EXPH5: variants seen among roughly 807,000 people sequenced by gnomAD.
EXPH5 encodes the protein exophilin-5.
In EXPH5, 42 loss-of-function variants were observed where a neutral mutation model predicts 41.1. The ratio of observed to expected loss-of-function variants is 1.02; its 90% confidence interval spans 0.80 to 1.32. The LOEUF is 1.32. Among genes scored for constraint, EXPH5 ranks in the 40% most tolerant of loss-of-function variants. EXPH5 has a pLI of 0.00. For missense variants in EXPH5, 2,298 were observed against 2,314.5 expected, an observed-to-expected ratio of 0.99 and a Z score of 0.15; for synonymous variants, 798 against 833.5, an observed-to-expected ratio of 0.96 and a Z score of 0.73.
intron 4 of EXPH5, among the ~76,000 whole-genome samples, chr11:108,527,146 C>G (rs1024696244): frequency 2.0e-5 from 3 of 151,944 alleles, no homozygotes; most frequent in Admixed American, 6.6e-5. Flanking sequence ...ATGGTGAAAC[C>G]CTGTGTCTAC....
At chr11:108,538,266 A>T (rs2093892194) in intron 3 of EXPH5, 1 of 985,230 alleles carries the variant, frequency 1.0e-6, no homozygotes. Flanking sequence ...TGCCAAGCCA[A>T]CACCTTAAGA....
chr11:108,541,338 G>T (rs567703386), intron 2 of EXPH5, among the ~76,000 whole-genome samples: 3 of 152,168 alleles, frequency 2.0e-5, no homozygotes, highest in East Asian at 3.9e-4. Context: ...GGACAGACTC[G>T]CATGAATAGA....
upstream of EXPH5, among the ~76,000 whole-genome samples, chr11:108,594,681 C>A (rs2094136149): frequency 6.6e-6 from 1 of 152,164 alleles, no homozygotes; most frequent in African/African-American, 2.4e-5. Flanking sequence ...GACTTTCCTG[C>A]CCCATAGCCT....
the EXPH5 span, among the ~76,000 whole-genome samples, chr11:108,603,533 A>C: frequency 6.6e-6 from 1 of 152,158 alleles, no homozygotes; most frequent in South Asian, 2.1e-4. Context: ...TTTAAGAAAA[A>C]TCATATTTCA....
chr11:108,560,767 G>A (rs1041277851), intron 1 of EXPH5, among the ~76,000 whole-genome samples: 1 of 152,110 alleles, frequency 6.6e-6, no homozygotes, highest in Non-Finnish European at 1.5e-5. Flanking sequence ...ACAAACGCAA[G>A]TGTCTACTCC....
chr11:108,599,099 C>T, the EXPH5 span, among the ~76,000 whole-genome samples: 1 of 152,152 alleles, frequency 6.6e-6, no homozygotes, highest in East Asian at 1.9e-4. Flanking sequence ...CAGTTTCCTC[C>T]TCACACCTGG....
At position 108,593,392 on chromosome 11, in the gene EXPH5, A is replaced by G. The variant is rs1420829514; in HGVS notation, c.119+26T>C. 6.3e-6 allele frequency: 10 copies of G among 1,599,078 alleles called. No individual in the cohort carries two copies. The Admixed American group carries it at 1.7e-4, about 27-fold the overall frequency. Reference sequence around the variant, plus strand: ...GGCCCCTGCGGGACCCAGGCCCAGGACAAAAGAAATGAATTTGCTCTGTAC... The same window carrying G: ...GGCCCCTGCGGGACCCAGGCCCAGGGCAAAAGAAATGAATTTGCTCTGTAC... On this transcript the variant is annotated intron_variant, in intron 1 of 5. Coordinates refer to ENST00000265843, the MANE Select transcript of EXPH5 (RefSeq NM_015065.3).
intron 1 of EXPH5, among the ~76,000 whole-genome samples, chr11:108,558,257 T>G (rs1003559260): frequency 6.6e-6 from 1 of 152,148 alleles, no homozygotes; most frequent in African/African-American, 2.4e-5. Flanking sequence ...CTTTTTAAAC[T>G]TTATTTTATT....
chr11:108,540,201 T>C (rs2093905049), intron 2 of EXPH5, among the ~76,000 whole-genome samples: 1 of 152,052 alleles, frequency 6.6e-6, no homozygotes, highest in African/African-American at 2.4e-5. Context: ...CGCACGCCTG[T>C]AATCCCAGCT....
chr11:108,528,727 G>A (rs566516879), intron 3 of EXPH5, among the ~76,000 whole-genome samples: 15 of 118,340 alleles, frequency 1.3e-4, no homozygotes, highest in East Asian at 7.6e-4. Flanking sequence ...TTGAGATGGA[G>A]TTTTGCTCTT....
chr11:108,576,170 A>G (rs2094079143), intron 1 of EXPH5, among the ~76,000 whole-genome samples: 1 of 152,182 alleles, frequency 6.6e-6, no homozygotes, highest in Non-Finnish European at 1.5e-5. Context: ...ATATGGAAAC[A>G]ACTCAAATGT....
intron 1 of EXPH5, among the ~76,000 whole-genome samples, chr11:108,558,717 A>G (rs1264884711): frequency 6.6e-6 from 1 of 152,226 alleles, no homozygotes; most frequent in Non-Finnish European, 1.5e-5. Context: ...AATATTTGGT[A>G]TCATTTCTAG....
intron 1 of EXPH5, chr11:108,552,283 C>A (rs1247008845): frequency 6.6e-6 from 1 of 152,122 alleles, no homozygotes; most frequent in Non-Finnish European, 1.5e-5. Context: ...GACATCAGAG[C>A]CTGCTCTTTG....
intron 1 of EXPH5, among the ~76,000 whole-genome samples, chr11:108,551,593 G>C (rs927459147): frequency 2.6e-5 from 4 of 151,524 alleles, no homozygotes; most frequent in African/African-American, 9.7e-5. Flanking sequence ...TTTTACAGCT[G>C]ATCTTCGCGG....
chr11:108,597,247 GAGTGC>G (rs1439956634), upstream of EXPH5, among the ~76,000 whole-genome samples: 3 of 152,124 alleles, frequency 2.0e-5, no homozygotes, highest in Non-Finnish European at 4.4e-5. Context: ...GGCCAGGCTG[GAGTGC>G]AGTGGCTCAA....
intron 1 of EXPH5, among the ~76,000 whole-genome samples, chr11:108,543,936 A>G (rs1218960853): frequency 6.6e-6 from 1 of 152,154 alleles, no homozygotes; most frequent in East Asian, 1.9e-4. Context: ...GCTTCTAACC[A>G]ATATTGGCTG....
chr11:108,604,439 A>G, the EXPH5 span, among the ~76,000 whole-genome samples: 1 of 152,104 alleles, frequency 6.6e-6, no homozygotes, highest in Admixed American at 6.6e-5. Flanking sequence ...ATTTTTGCCA[A>G]TTAAAGAAAA....
intron 1 of EXPH5, among the ~76,000 whole-genome samples, chr11:108,562,265 GTTT>G (rs35527615): frequency 4.1e-4 from 43 of 104,582 alleles, no homozygotes; most frequent in Middle Eastern, 5.1e-3. Flanking sequence ...TTTTTTCTGT[GTTT>G]TTTTTTTTTT....
upstream of EXPH5, among the ~76,000 whole-genome samples, chr11:108,595,488 C>G (rs1387681142): frequency 6.6e-6 from 1 of 152,164 alleles, no homozygotes; most frequent in Non-Finnish European, 1.5e-5. Context: ...GGAATCTTCT[C>G]ATATTCCCTC....
Sources: gnomAD v4.1 joint callset for allele counts (sites outside exome capture counted in the v4.1 genomes callset) on GRCh38, gnomAD v4.1.1 for gene constraint, MANE v1.5 for transcripts, NCBI Gene and HGNC (gene_info 2026-07-23, HGNC 2026-07-21) for gene names.